Variants in DYM observed in about 807,000 individuals in gnomAD.
The protein encoded by DYM is dymeclin.
In DYM, 78 loss-of-function variants were observed where a neutral mutation model predicts 93.1. The observed-to-expected ratio is 0.84, with a 90% CI of 0.70 to 1.01. The LOEUF (loss-of-function observed/expected upper bound fraction) is 1.01. DYM is among the 50% of genes least tolerant of loss of function. The pLI, the probability that DYM is intolerant of heterozygous loss-of-function variation, is 0.00. For missense variants in DYM, 789 were observed against 845.0 expected, an observed-to-expected ratio of 0.93 and a Z score of 0.82; for synonymous variants, 321 against 319.7, an observed-to-expected ratio of 1.00 and a Z score of -0.04.
chr18:49,266,427 G>A (rs2094571478), intron 11 of DYM, among the ~76,000 whole-genome samples: 1 of 152,068 alleles, frequency 6.6e-6, no homozygotes, highest in South Asian at 2.1e-4. Flanking sequence ...ACCAGCCTGG[G>A]CAACATGGCG....
In DYM at chr18:49,381,948, G is replaced by A. The variant is rs542958381; in HGVS notation, c.194-2190C>T. On this transcript the variant is annotated intron_variant, in intron 3 of 17. Coordinates refer to ENST00000675505, the MANE Select transcript of DYM (RefSeq NM_001353214.3). ...AAAAGAATAGTTAAGGTTTGCAAAC[G>A]CATCTCTGTGGGACTTAATATTATC... 9.4e-5 allele frequency among the ~76,000 whole-genome samples: 14 copies of A among 149,358 alleles called. No individual in the cohort carries two copies. The East Asian group carries it at 1.2e-3, about 12-fold the overall frequency.
At chr18:49,242,581 G>T (rs564282159) in intron 13 of DYM, among the ~76,000 whole-genome samples, 1 of 152,286 alleles carries the variant, frequency 6.6e-6, no homozygotes, top group East Asian at 1.9e-4. Context: ...TTAATACATG[G>T]TTTATTTTCA....
In DYM at chr18:49,363,230, G is replaced by A; in HGVS notation, c.425C>T (p.Ser142Phe). The A allele has an allele frequency of 1.2e-6, 2 of 1,613,000 alleles. No homozygotes were observed. The highest frequency in any genetic ancestry group is 2.2e-5 in the East Asian group (1 of 44,768). ...TTCTTCCAAAAGATCTTCTGAGTCAGAACCTGGTAAGACACATAAAAAGAT... is the reference window on the plus strand; with the variant it reads ...TTCTTCCAAAAGATCTTCTGAGTCAAAACCTGGTAAGACACATAAAAAGAT... Reference protein sequence around the residue: ...YEEKSPGNYSSDSEDLLEELL... With the variant: ...YEEKSPGNYSFDSEDLLEELL... Residue 142 changes from serine (S) to phenylalanine (F), a missense_variant, in exon 6 of 18, where the codon TCT becomes TTT. This residue lies in a region of DYM where 450 missense variants were observed against 436.2 expected (regional missense o/e 1.03). Transcript: ENST00000675505.
intron 13 of DYM, 33 bp downstream of exon 13, chr18:49,256,977 C>A: frequency 6.4e-7 from 1 of 1,557,208 alleles, no homozygotes; most frequent in Non-Finnish European, 8.9e-7. Flanking sequence ...CAGCCAGAGG[C>A]AAATCAGTAT....
intron 14 of DYM, among the ~76,000 whole-genome samples, chr18:49,176,652 T>C (rs2089418004): frequency 6.8e-6 from 1 of 147,208 alleles, no homozygotes; most frequent in African/African-American, 2.5e-5. Context: ...TGGCCTCAAA[T>C]GATCCTCCCA....
intron 13 of DYM, among the ~76,000 whole-genome samples, chr18:49,224,629 AC>A (rs1433537207): frequency 6.6e-6 from 1 of 152,002 alleles, no homozygotes; most frequent in African/African-American, 2.4e-5. Flanking sequence ...GCTTGCTTCC[AC>A]TCTCCACCAT....
chr18:49,352,604 A>C (rs2065207153), intron 6 of DYM, among the ~76,000 whole-genome samples: 1 of 152,236 alleles, frequency 6.6e-6, no homozygotes, highest in Non-Finnish European at 1.5e-5. Context: ...TTATAATTTC[A>C]GTGTGTGTAA....
At chr18:49,050,986 C>T (rs563900461) in intron 17 of DYM, among the ~76,000 whole-genome samples, 1 of 152,190 alleles carries the variant, frequency 6.6e-6, no homozygotes, top group Non-Finnish European at 1.5e-5. Context: ...ATTATTCACT[C>T]CATTATAGAG....
intron 2 of DYM, among the ~76,000 whole-genome samples, chr18:49,406,010 G>C (rs760816814): frequency 6.6e-6 from 1 of 152,048 alleles, no homozygotes; most frequent in Non-Finnish European, 1.5e-5. Flanking sequence ...TTGCATTCTT[G>C]ATTTGGTTGT....
At chr18:49,211,869 T>C (rs1372879646) in intron 13 of DYM, among the ~76,000 whole-genome samples, 1 of 152,230 alleles carries the variant, frequency 6.6e-6, no homozygotes, top group Non-Finnish European at 1.5e-5. Flanking sequence ...AAGAGATATT[T>C]CTATTGAGTC....
chr18:49,459,904 G>C lies in DYM; in HGVS notation c.-54+494C>G, dbSNP rs1463966479. 2.0e-5 allele frequency among the ~76,000 whole-genome samples: 3 copies of C among 148,342 alleles called. No homozygotes were observed. The East Asian group carries it at 6.6e-4, about 32-fold the overall frequency. On this transcript the variant is annotated intron_variant, in intron 1 of 17. Coordinates refer to ENST00000675505, the MANE Select transcript of DYM (RefSeq NM_001353214.3). ...AGGAGGAGTGACTGCTAATGGGTAC[G>C]AGCTTCTTTGGGGCGGGGGGGGCGG...
intron 5 of DYM, among the ~76,000 whole-genome samples, chr18:49,370,296 A>C (rs1163828427): frequency 5.5e-5 from 8 of 144,558 alleles, no homozygotes; most frequent in South Asian, 4.4e-4. Context: ...AAAAAAAAAA[A>C]AAACAAAACA....
chr18:49,098,805 T>C (rs970079497), intron 16 of DYM, among the ~76,000 whole-genome samples: 1 of 152,216 alleles, frequency 6.6e-6, no homozygotes, highest in East Asian at 1.9e-4. Context: ...GGTCCAAAAA[T>C]TGATTTTTAT....
intron 2 of DYM, among the ~76,000 whole-genome samples, chr18:49,402,794 A>C (rs2071004807): frequency 6.6e-6 from 1 of 152,204 alleles, no homozygotes; most frequent in Non-Finnish European, 1.5e-5. Flanking sequence ...ACTCCTGCAC[A>C]CTGCTCACAT....
intron 9 of DYM, among the ~76,000 whole-genome samples, 178 bp from the exon 10 acceptor site, chr18:49,282,353 G>A (rs961243669): frequency 1.3e-5 from 2 of 152,226 alleles, no homozygotes; most frequent in African/African-American, 4.8e-5. Context: ...GGCGGCTCAC[G>A]CCTGTAATCC....
At chr18:49,351,225 C>G (rs2065095220) in intron 6 of DYM, among the ~76,000 whole-genome samples, 1 of 151,976 alleles carries the variant, frequency 6.6e-6, no homozygotes, top group South Asian at 2.1e-4. Context: ...AGCTCAAGAC[C>G]AGCCTGGCCA....
At position 49,331,070 on chromosome 18, in the gene DYM, C is replaced by T. The variant is rs778696410; in HGVS notation, c.763+794G>A. ...TGATGTCCAGCTGGAGTGTAGAGCA[C>T]GCCACAGCCATAATGCAGCTGTGGA... On this transcript the variant is annotated intron_variant, in intron 8 of 17. Coordinates refer to ENST00000675505, the MANE Select transcript of DYM (RefSeq NM_001353214.3). 7.2e-4 allele frequency among the ~76,000 whole-genome samples: 109 copies of T among 152,038 alleles called. 2 individuals are homozygous for T. Among genetic ancestry groups the T allele is most frequent in the Non-Finnish European group, 3.5e-4 (24 of 68,004 alleles).
chr18:49,119,753 T>C (rs1479612577), intron 15 of DYM, among the ~76,000 whole-genome samples: 3 of 152,060 alleles, frequency 2.0e-5, no homozygotes, highest in African/African-American at 7.2e-5. Context: ...ACATATAATG[T>C]AATGTCTAGA....
At chr18:49,146,690 A>C (rs933831633) in intron 15 of DYM, among the ~76,000 whole-genome samples, 1 of 152,204 alleles carries the variant, frequency 6.6e-6, no homozygotes, top group Non-Finnish European at 1.5e-5. Flanking sequence ...TCAATGAAAT[A>C]AAAGAGGATA....
Sources: allele counts gnomAD v4.1 joint callset (sites outside exome capture counted in the v4.1 genomes callset), GRCh38; gene constraint gnomAD v4.1.1; regional missense constraint gnomAD v4.1.1; transcripts MANE v1.5; gene names NCBI Gene and HGNC (gene_info 2026-07-23, HGNC 2026-07-21).